STK3: variants seen among roughly 807,000 people sequenced by gnomAD.
The protein encoded by STK3 is serine/threonine-protein kinase 3.
Under a neutral mutation model 58.0 loss-of-function variants are expected in STK3, and 41 were observed. The ratio of observed to expected loss-of-function variants is 0.71; its 90% CI spans 0.55 to 0.92. The LOEUF is 0.92. STK3 is among the 40% of genes least tolerant of loss of function. STK3 has a pLI of 0.00. For synonymous variants in STK3, 170 were observed against 191.0 expected (o/e 0.89, Z 0.91); for missense variants, 479 against 602.7 (o/e 0.79, Z 2.15).
chr8:98,730,016 A>C (rs1828061065), intron 4 of STK3, among the ~76,000 whole-genome samples: 1 of 152,252 alleles, frequency 6.6e-6, no homozygotes, highest in African/African-American at 2.4e-5. Context: ...CATGAGGATT[A>C]AATGCCATAA....
At chr8:98,813,377 T>C (rs945533565) in intron 1 of STK3, among the ~76,000 whole-genome samples, 2 of 152,218 alleles carry the variant, frequency 1.3e-5, no homozygotes, top group Non-Finnish European at 2.9e-5. Context: ...TCTCATAGTG[T>C]ATTTACTTTT....
chr8:98,540,531 A>G (rs1363812158), intron 9 of STK3, among the ~76,000 whole-genome samples: 1 of 152,152 alleles, frequency 6.6e-6, no homozygotes, highest in Non-Finnish European at 1.5e-5. Context: ...ATTCTGATGG[A>G]CCTTCACCTT....
chr8:98,469,877 C>T (rs1203361698), intron 10 of STK3, among the ~76,000 whole-genome samples: 1 of 152,180 alleles, frequency 6.6e-6, no homozygotes, highest in East Asian at 1.9e-4. Context: ...TCTTGAGGAA[C>T]TTTCCAAAAA....
intron 6 of STK3, among the ~76,000 whole-genome samples, chr8:98,608,036 T>C (rs2130158592): frequency 6.6e-6 from 1 of 152,310 alleles, no homozygotes; most frequent in African/African-American, 2.4e-5. Flanking sequence ...AACTCACTAC[T>C]ATGGTTTCAG....
chr8:98,820,395 C>A (rs536632187), intron 1 of STK3, among the ~76,000 whole-genome samples: 2 of 152,296 alleles, frequency 1.3e-5, no homozygotes, highest in South Asian at 4.1e-4. Flanking sequence ...CCAACCATAC[C>A]TTAATCAACG....
At chr8:98,402,427 G>A (rs1360531954) in intron 3 of STK3, among the ~76,000 whole-genome samples, 1 of 152,220 alleles carries the variant, frequency 6.6e-6, no homozygotes, top group African/African-American at 2.4e-5. Context: ...CCTGGAGTCT[G>A]TGTTTGGCTC....
At chr8:98,926,443 C>T (rs1158189541) in intron 1 of STK3, among the ~76,000 whole-genome samples, 1 of 152,068 alleles carries the variant, frequency 6.6e-6, no homozygotes, top group African/African-American at 2.4e-5. Context: ...CCCAAGATGC[C>T]ACTTATGGAC....
At chr8:98,831,444 C>T (rs1835531546) in intron 3 of STK3, among the ~76,000 whole-genome samples, 1 of 152,120 alleles carries the variant, frequency 6.6e-6, no homozygotes, top group South Asian at 2.1e-4. Flanking sequence ...TTTGTAGAAA[C>T]AGAGGTCTCA....
At chr8:98,421,421 T>A (rs1818172148) in intron 3 of STK3, among the ~76,000 whole-genome samples, 1 of 152,316 alleles carries the variant, frequency 6.6e-6, no homozygotes, top group African/African-American at 2.4e-5. Context: ...CATGTTGTCC[T>A]CTTGTTCATT....
At chr8:98,631,289 AG>A (rs1819208980) in intron 6 of STK3, among the ~76,000 whole-genome samples, 2 of 152,170 alleles carry the variant, frequency 1.3e-5, no homozygotes, top group African/African-American at 4.8e-5. Context: ...TGTTTCACTC[AG>A]GGTAAAAGCT....
At chr8:98,749,134 C>G (rs1447684774) in intron 4 of STK3, 142 bp downstream of exon 4, 1 of 512,574 alleles carries the variant, frequency 2.0e-6, no homozygotes, top group African/African-American at 2.0e-5. Flanking sequence ...GTTCTCACAC[C>G]TCCTACTAGA....
At chr8:98,718,121 G>T (rs1563926319) in intron 4 of STK3, among the ~76,000 whole-genome samples, 1 of 152,078 alleles carries the variant, frequency 6.6e-6, no homozygotes, top group African/African-American at 2.4e-5. Flanking sequence ...AGAGTTAGGG[G>T]GATGGATAAT....
chr8:98,618,449 G>C (rs1817957117), intron 6 of STK3, among the ~76,000 whole-genome samples: 1 of 152,072 alleles, frequency 6.6e-6, no homozygotes, highest in Admixed American at 6.6e-5. Context: ...ACATAGTGTT[G>C]GAAGTTCTGG....
intron 7 of STK3, among the ~76,000 whole-genome samples, chr8:98,589,339 C>T (rs1450769745): frequency 6.6e-6 from 1 of 152,182 alleles, no homozygotes; most frequent in African/African-American, 2.4e-5. Context: ...AGTTGCAGGT[C>T]TGTTGGAGTA....
intron 9 of STK3, among the ~76,000 whole-genome samples, chr8:98,544,028 T>G (rs988874289): frequency 6.6e-6 from 1 of 151,688 alleles, no homozygotes; most frequent in African/African-American, 2.4e-5. Flanking sequence ...GTTTAGAACA[T>G]AAGAGAGTGG....
At chr8:98,387,511 G>T (rs965492385) in intron 1 of STK3, among the ~76,000 whole-genome samples, 2 of 152,222 alleles carry the variant, frequency 1.3e-5, no homozygotes, top group African/African-American at 4.8e-5. Context: ...CACTTCGGGA[G>T]ACCAAGGCAG....
chr8:98,725,714 A>C (rs188980886), intron 4 of STK3, among the ~76,000 whole-genome samples: 30 of 152,278 alleles, frequency 2.0e-4, no homozygotes, highest in Non-Finnish European at 3.5e-4. Context: ...TTCTTAAATC[A>C]CTTGTGATTT....
At chr8:98,749,420 T>C in intron 3 of STK3, 30 bp from the exon 4 acceptor site, 4 of 1,309,764 alleles carry the variant, frequency 3.1e-6, no homozygotes, top group Non-Finnish European at 4.2e-6. Flanking sequence ...CAATTAAATT[T>C]AGTTAATTCC....
chr8:98,663,415 T>C (rs1822111106), intron 6 of STK3, among the ~76,000 whole-genome samples: 1 of 152,206 alleles, frequency 6.6e-6, no homozygotes, highest in South Asian at 2.1e-4. Flanking sequence ...ACTTTTACAG[T>C]GTTGGTGGGA....
Sources: gnomAD v4.1 joint callset for allele counts (sites outside exome capture counted in the v4.1 genomes callset) on GRCh38, gnomAD v4.1.1 for gene constraint, MANE v1.5 for transcripts, NCBI Gene and HGNC (gene_info 2026-07-23, HGNC 2026-07-21) for gene names.